The following TMEM230 variants were observed in gnomAD, a reference collection of about 807,000 sequenced individuals.
The protein encoded by TMEM230 is transmembrane protein 230, also known as UPF0414 transmembrane protein C20orf30.
In TMEM230, 10 loss-of-function variants were observed where a neutral mutation model predicts 15.8. That is an observed-to-expected ratio of 0.63 (90% CI 0.39 to 1.07). The LOEUF is 1.07. Among genes scored for constraint, TMEM230 ranks in the 50% least tolerant of loss-of-function variants. The probability of loss-of-function intolerance (pLI) is 0.01; values close to 1 mark genes in which losing one functional copy is unlikely to be tolerated. For missense variants in TMEM230, 165 were observed against 193.3 expected (o/e 0.85, Z 0.87); for synonymous variants, 67 against 76.9 (o/e 0.87, Z 0.68).
intron 3 of TMEM230, among the ~76,000 whole-genome samples, chr20:5,085,262 C>A (rs2089300553): frequency 2.0e-5 from 3 of 151,386 alleles, no homozygotes; most frequent in Admixed American, 2.0e-4. Context: ...TTTTTTTTTT[C>A]ATGCTCCTGA....
At chr20:5,086,893 GAC>G (rs1194651136) in intron 3 of TMEM230, among the ~76,000 whole-genome samples, 2 of 151,590 alleles carry the variant, frequency 1.3e-5, no homozygotes, top group African/African-American at 4.9e-5. Context: ...TTATTTTTTT[GAC>G]ACAGAGTCCC....
intron 3 of TMEM230, among the ~76,000 whole-genome samples, chr20:5,070,015 C>T (rs530730863): frequency 2.6e-4 from 40 of 152,218 alleles, no homozygotes; most frequent in African/African-American, 8.7e-4. Context: ...CAGCAAATTC[C>T]CTTTTCTTTG....
downstream of TMEM230, among the ~76,000 whole-genome samples, chr20:5,095,761 C>T (rs766807530): frequency 5.3e-5 from 8 of 152,124 alleles, no homozygotes; most frequent in African/African-American, 9.7e-5. Flanking sequence ...ATGCAGATAC[C>T]GATTTAGGAG....
At chr20:5,069,415 T>C (rs777522478) in intron 3 of TMEM230, 88 of 1,459,574 alleles carry the variant, frequency 6.0e-5, no homozygotes, top group Non-Finnish European at 7.3e-5. Context: ...CAAAAAATCC[T>C]AATTGTCAAG....
At chr20:5,076,765 C>T (rs1368808012) in intron 3 of TMEM230, among the ~76,000 whole-genome samples, 1 of 147,718 alleles carries the variant, frequency 6.8e-6, no homozygotes, top group Non-Finnish European at 1.5e-5. Flanking sequence ...GCAACCTCTG[C>T]CTCCTGGGTT....
chr20:5,112,763 GGAGA>G, intron 1 of TMEM230, 194 bp downstream of exon 1: 1 of 1,469,348 alleles, frequency 6.8e-7, no homozygotes, highest in Non-Finnish European at 9.0e-7. Flanking sequence ...ACCTTGCCAG[GGAGA>G]GAAATAAGAA....
chr20:5,071,191 C>T (rs967538417), intron 3 of TMEM230, among the ~76,000 whole-genome samples: 2 of 152,118 alleles, frequency 1.3e-5, no homozygotes, highest in Admixed American at 1.3e-4. Context: ...TGCCTCAGCT[C>T]AGCATCACTG....
At chr20:5,106,063 C>T in intron 4 of TMEM230, 125 bp downstream of exon 3, 2 of 1,394,968 alleles carry the variant, frequency 1.4e-6, no homozygotes, top group Non-Finnish European at 1.9e-6. Context: ...AAAAAACAGA[C>T]CACTGGGACG....
At chr20:5,112,384 C>A (rs2090361094) in intron 1 of TMEM230, among the ~76,000 whole-genome samples, 1 of 152,168 alleles carries the variant, frequency 6.6e-6, no homozygotes, top group Non-Finnish European at 1.5e-5. Flanking sequence ...GTTCAAACTA[C>A]CAGTATGTGT....
intron 3 of TMEM230, among the ~76,000 whole-genome samples, chr20:5,086,230 TA>T (rs570691228): frequency 0.2 from 24,797 of 122,928 alleles, 3,048 homozygotes; most frequent in East Asian, 0.5. Flanking sequence ...TCATTTCTAT[TA>T]AAAAAAAAAA....
At chr20:5,091,342 C>G (rs2089500703) in intron 3 of TMEM230, among the ~76,000 whole-genome samples, 1 of 152,092 alleles carries the variant, frequency 6.6e-6, no homozygotes, top group Non-Finnish European at 1.5e-5. Context: ...TTCCAAGTAG[C>G]TGGGATTACA....
At chr20:5,109,022 A>C (rs1434738230) in intron 3 of TMEM230, 1 of 176,636 alleles carries the variant, frequency 5.7e-6, no homozygotes, top group East Asian at 1.5e-4. Context: ...AAGAAACAAC[A>C]ACAAAAAACT....
Position 5,103,840 on chromosome 20 carries a change from A to G in TMEM230, c.411+2348T>C, listed in dbSNP as rs116781614. ...AGACCTAAAACTATGAAACTACTATAAGAAAACATGGGGGAAACTCTCCAG... is the reference window on the plus strand; with the variant it reads ...AGACCTAAAACTATGAAACTACTATGAGAAAACATGGGGGAAACTCTCCAG... On this transcript the variant is annotated intron_variant, in intron 4 of 4. Coordinates refer to ENST00000342308, the MANE Select transcript of TMEM230 (RefSeq NM_001009923.2). 3.7e-3 allele frequency among the ~76,000 whole-genome samples: 565 copies of G among 152,266 alleles called. 3 individuals carry two copies. The highest frequency in any genetic ancestry group is 0.012 in the African/African-American group (503 of 41,538).
At chr20:5,076,457 C>G (rs568050498) in intron 3 of TMEM230, among the ~76,000 whole-genome samples, 1 of 152,054 alleles carries the variant, frequency 6.6e-6, no homozygotes, top group South Asian at 2.1e-4. Context: ...AGGAGAATCA[C>G]TTGCACCCAT....
rs1245098414 is a variant in TMEM230, at chr20:5,100,785, T to A, written c.*6A>T. The A allele has an allele frequency of 3.1e-6, 5 of 1,612,746 alleles. No individual in the cohort carries two copies. Among genetic ancestry groups the A allele is most frequent in the Non-Finnish European group, 4.2e-6 (5 of 1,179,916 alleles). Reference sequence around the variant, plus strand: ...CTGTGACTCCTCCTCAGCTATGGGGTGGGTGCTAGTCATCAAAGTCTGGAA... The same window carrying A: ...CTGTGACTCCTCCTCAGCTATGGGGAGGGTGCTAGTCATCAAAGTCTGGAA... On this transcript the variant is annotated 3_prime_UTR_variant, in exon 5 of 5. Transcript: ENST00000342308.
At chr20:5,060,666 C>T in the TMEM230 span, among the ~76,000 whole-genome samples, 1 of 151,972 alleles carries the variant, frequency 6.6e-6, no homozygotes, top group Non-Finnish European at 1.5e-5. Context: ...TCTTGTCTTT[C>T]TCAGTTAACA....
chr20:5,072,571 G>A (rs527488029), intron 3 of TMEM230, among the ~76,000 whole-genome samples: 92 of 152,122 alleles, frequency 6.0e-4, no homozygotes, highest in Non-Finnish European at 1.3e-3. Flanking sequence ...AGTTCCAGCC[G>A]GGCATGGTGG....
chr20:5,082,921 TG>T (rs1295174424), intron 3 of TMEM230, among the ~76,000 whole-genome samples: 10 of 103,472 alleles, frequency 9.7e-5, no homozygotes, highest in South Asian at 4.3e-4. Context: ...TTCTTCATAT[TG>T]TTTTTTTTTT....
intron 4 of TMEM230, among the ~76,000 whole-genome samples, chr20:5,101,787 CTG>C (rs1049841156): frequency 4.6e-5 from 7 of 152,246 alleles, no homozygotes; most frequent in African/African-American, 1.4e-4. Context: ...AACTTGGACA[CTG>C]TGTATGTGGG....
Sources: gnomAD v4.1 joint callset for allele counts (sites outside exome capture counted in the v4.1 genomes callset) on GRCh38, gnomAD v4.1.1 for gene constraint, MANE v1.5 for transcripts, NCBI Gene and HGNC (gene_info 2026-07-23, HGNC 2026-07-21) for gene names.